KCTD16: variants seen among roughly 807,000 people sequenced by gnomAD.
KCTD16 encodes the protein BTB/POZ domain-containing protein KCTD16.
Under a neutral mutation model 33.2 loss-of-function variants are expected in KCTD16, and 13 were observed. That is an observed-to-expected ratio of 0.39 (90% CI 0.25 to 0.62). KCTD16 has a LOEUF of 0.62. KCTD16 is among the 20% of genes least tolerant of loss of function. KCTD16 has a pLI of 0.50. For missense variants in KCTD16, 441 were observed against 525.1 expected (o/e 0.84, Z 1.57); for synonymous variants, 197 against 195.3 (o/e 1.01, Z -0.07).
chr5:144,337,935 TGTTGTGAATATTTA>T (rs1561572300), intron 3 of KCTD16, among the ~76,000 whole-genome samples: 13 of 152,172 alleles, frequency 8.5e-5, no homozygotes, highest in Non-Finnish European at 1.6e-4. Flanking sequence ...CCTTTAGGAT[TGTTGTGAATATTTA>T]AAAAATTGAT....
intron 3 of KCTD16, among the ~76,000 whole-genome samples, chr5:144,240,057 T>C (rs1365809917): frequency 6.6e-6 from 1 of 152,138 alleles, no homozygotes; most frequent in Admixed American, 6.6e-5. Context: ...ATGAAGTGGG[T>C]ACTATTAACA....
At chr5:144,282,469 A>T (rs573278131) in intron 3 of KCTD16, among the ~76,000 whole-genome samples, 30 of 152,302 alleles carry the variant, frequency 2.0e-4, no homozygotes, top group African/African-American at 6.5e-4. Flanking sequence ...GAGCTACTCT[A>T]GCATATTAAT....
At chr5:144,182,649 C>G (rs574660262) in intron 2 of KCTD16, among the ~76,000 whole-genome samples, 10 of 152,144 alleles carry the variant, frequency 6.6e-5, no homozygotes, top group Non-Finnish European at 1.3e-4. Flanking sequence ...ACCACACACA[C>G]ACCAGCGATT....
At chr5:144,205,911 T>A (rs571902506) in intron 2 of KCTD16, 1 of 198,410 alleles carries the variant, frequency 5.0e-6, no homozygotes, top group Admixed American at 6.0e-5. Flanking sequence ...GCACTTTTCA[T>A]TGATACCTCG....
At chr5:144,341,180 G>T (rs1304089689) in intron 3 of KCTD16, among the ~76,000 whole-genome samples, 1 of 152,120 alleles carries the variant, frequency 6.6e-6, no homozygotes, top group Non-Finnish European at 1.5e-5. Flanking sequence ...ATGGTATTTT[G>T]TTACAGCAGC....
intron 3 of KCTD16, among the ~76,000 whole-genome samples, chr5:144,293,420 C>A (rs1265300482): frequency 6.6e-6 from 1 of 152,028 alleles, no homozygotes; most frequent in Non-Finnish European, 1.5e-5. Context: ...CTCTATAGTT[C>A]TTTTTTAAAA....
At chr5:144,204,454 T>A (rs1753114617) in intron 2 of KCTD16, among the ~76,000 whole-genome samples, 1 of 152,206 alleles carries the variant, frequency 6.6e-6, no homozygotes, top group Non-Finnish European at 1.5e-5. Context: ...TAGGTTGCCC[T>A]GGAAATGCCT....
intron 3 of KCTD16, among the ~76,000 whole-genome samples, chr5:144,380,331 A>C (rs1219522181): frequency 6.6e-6 from 1 of 152,178 alleles, no homozygotes; most frequent in Non-Finnish European, 1.5e-5. Context: ...CCACTGAAAA[A>C]AACCAGAGAC....
At chr5:144,417,013 C>T (rs567928881) in intron 3 of KCTD16, among the ~76,000 whole-genome samples, 1 of 152,182 alleles carries the variant, frequency 6.6e-6, no homozygotes, top group African/African-American at 2.4e-5. Flanking sequence ...ACTTGTTTGT[C>T]CATTTATTCC....
intron 3 of KCTD16, among the ~76,000 whole-genome samples, chr5:144,308,149 G>A (rs1034671440): frequency 6.6e-6 from 1 of 152,186 alleles, no homozygotes; most frequent in African/African-American, 2.4e-5. Flanking sequence ...ATAGCTAGAA[G>A]AAAAGAGGAG....
chr5:144,470,628 T>C (rs1456057175), intron 3 of KCTD16, among the ~76,000 whole-genome samples: 1 of 152,214 alleles, frequency 6.6e-6, no homozygotes, highest in East Asian at 1.9e-4. Flanking sequence ...AACATGGTAG[T>C]ATGACAACCT....
Position 144,299,138 on chromosome 5 carries a change from ATATATATATATTTTTT to A in KCTD16, c.832+91594_832+91609del, listed in dbSNP as rs1229804434. 1.3e-3 allele frequency among the ~76,000 whole-genome samples: 39 copies of A among 29,234 alleles called. 1 individual carries two copies. The highest frequency in any genetic ancestry group is 0.011 in the African/African-American group (30 of 2,726). 19.2% of individuals were successfully genotyped at this position (29,234 alleles called of 152,430 possible). On this transcript the variant is annotated intron_variant, in intron 3 of 3. Transcript: ENST00000512467. The stretch of plus-strand genomic sequence containing the variant: ...TATATATATATATATATATATATAT[ATATATATATATTTTTT>A]TTTTTTTTTTTAACCTGTCACTGAG...
At chr5:144,273,051 A>C (rs574941710) in intron 3 of KCTD16, among the ~76,000 whole-genome samples, 1 of 152,212 alleles carries the variant, frequency 6.6e-6, no homozygotes, top group East Asian at 1.9e-4. Context: ...ACAAGATAGG[A>C]GGAACTATTT....
intron 3 of KCTD16, among the ~76,000 whole-genome samples, chr5:144,232,240 A>C (rs1194699574): frequency 6.6e-6 from 1 of 152,224 alleles, no homozygotes; most frequent in Non-Finnish European, 1.5e-5. Flanking sequence ...TTTCCCTTGT[A>C]AATCATAAAT....
intron 3 of KCTD16, among the ~76,000 whole-genome samples, chr5:144,423,917 A>G (rs999223100): frequency 4.6e-5 from 7 of 152,122 alleles, no homozygotes; most frequent in African/African-American, 1.7e-4. Context: ...ATACATGAAC[A>G]CTAATGACAG....
chr5:144,444,824 T>C (rs1226706690), intron 3 of KCTD16, among the ~76,000 whole-genome samples: 5 of 151,042 alleles, frequency 3.3e-5, no homozygotes, highest in Non-Finnish European at 5.9e-5. Flanking sequence ...CTCCATAGTA[T>C]GCTCTTTCAA....
At chr5:144,172,555 G>A (rs560051650) in intron 1 of KCTD16, among the ~76,000 whole-genome samples, 5 of 152,262 alleles carry the variant, frequency 3.3e-5, no homozygotes, top group African/African-American at 9.6e-5. Flanking sequence ...GCTCATTCAA[G>A]TGTTCACCAC....
At chr5:144,393,041 C>T (rs546444109) in intron 3 of KCTD16, among the ~76,000 whole-genome samples, 3 of 152,116 alleles carry the variant, frequency 2.0e-5, no homozygotes, top group Non-Finnish European at 4.4e-5. Flanking sequence ...AAATAAACTC[C>T]ATTTTTACAC....
intron 3 of KCTD16, among the ~76,000 whole-genome samples, chr5:144,439,899 G>A (rs574152323): frequency 1.3e-5 from 2 of 150,974 alleles, no homozygotes; most frequent in Non-Finnish European, 2.9e-5. Flanking sequence ...TATTATTCAA[G>A]AAGTCTGTTC....
Sources: allele counts gnomAD v4.1 joint callset (sites outside exome capture counted in the v4.1 genomes callset), GRCh38; gene constraint gnomAD v4.1.1; transcripts MANE v1.5; gene names NCBI Gene and HGNC (gene_info 2026-07-23, HGNC 2026-07-21).